IPO5: variants seen among roughly 807,000 people sequenced by gnomAD.
The protein encoded by IPO5 is importin-5.
Under a neutral mutation model 143.3 loss-of-function variants are expected in IPO5, and 18 were observed. The ratio of observed to expected loss-of-function variants is 0.13; its 90% CI spans 0.09 to 0.19. The LOEUF (loss-of-function observed/expected upper bound fraction) is 0.19, where lower values mean the gene tolerates loss of function less well. Ranked by LOEUF, IPO5 falls within the 10% of genes least tolerant of loss-of-function variation. The pLI is 1.00. For missense variants in IPO5, 1,013 were observed against 1,336.9 expected (o/e 0.76, Z 3.78); for synonymous variants, 477 against 465.7 (o/e 1.02, Z -0.31).
At chr13:97,962,915 G>T (rs1885008502) in intron 2 of IPO5, among the ~76,000 whole-genome samples, 1 of 152,172 alleles carries the variant, frequency 6.6e-6, no homozygotes, top group Admixed American at 6.6e-5. Context: ...AGGCTAGCAG[G>T]CTGGAAATTC....
At chr13:97,998,006 C>T (rs750977169) in intron 12 of IPO5, among the ~76,000 whole-genome samples, 1 of 152,158 alleles carries the variant, frequency 6.6e-6, no homozygotes, top group African/African-American at 2.4e-5. Context: ...GACGGAGTCT[C>T]GCTGTGTCGC....
intron 3 of IPO5, among the ~76,000 whole-genome samples, chr13:97,973,850 G>A (rs977116064): frequency 1.4e-3 from 206 of 152,192 alleles, no homozygotes; most frequent in African/African-American, 4.7e-3. Flanking sequence ...TGGGAGGATC[G>A]CCCGAACTCA....
chr13:97,991,307 CAA>C (rs1171292494), intron 9 of IPO5, among the ~76,000 whole-genome samples: 6 of 152,076 alleles, frequency 3.9e-5, no homozygotes, highest in Admixed American at 1.3e-4. Context: ...AATGGTCAGA[CAA>C]GACTACACTG....
chr13:97,990,608 C>T lies in IPO5; in HGVS notation c.669+71C>T, dbSNP rs974894793. On this transcript the variant is annotated intron_variant, in intron 9 of 28. Transcript: ENST00000651721. ...TCTTTAATGCATTCAATCATTTATGCAATAAATTCATATTGCCTATTATGT... is the reference window on the plus strand; with the variant it reads ...TCTTTAATGCATTCAATCATTTATGTAATAAATTCATATTGCCTATTATGT... 4.9e-6 allele frequency: 4 copies of T among 823,690 alleles called. No individual in the cohort carries two copies. In the African/African-American group the frequency reaches 7.0e-5, roughly 14 times the overall value. 51.0% of individuals were successfully genotyped at this position (823,690 alleles called of 1,614,324 possible).
chr13:97,982,841 A>AT (rs1259504232), intron 5 of IPO5, among the ~76,000 whole-genome samples: 18 of 152,204 alleles, frequency 1.2e-4, no homozygotes, highest in African/African-American at 4.3e-4. Flanking sequence ...TTTATAAGTA[A>AT]TTGCATAAGA....
chr13:98,010,983 T>A (rs1032170400), intron 20 of IPO5, among the ~76,000 whole-genome samples: 49 of 151,536 alleles, frequency 3.2e-4, no homozygotes, highest in Non-Finnish European at 5.6e-4. Flanking sequence ...GTTTCACCAT[T>A]TTGGCCAGGC....
At chr13:98,005,219 C>G (rs1219882615) in intron 16 of IPO5, among the ~76,000 whole-genome samples, 1 of 150,582 alleles carries the variant, frequency 6.6e-6, no homozygotes, top group Admixed American at 6.6e-5. Context: ...TTTCCCCAGA[C>G]AGAGTCTTGC....
intron 3 of IPO5, among the ~76,000 whole-genome samples, chr13:97,971,581 A>T (rs1885827629): frequency 6.6e-6 from 1 of 152,162 alleles, no homozygotes; most frequent in Admixed American, 6.5e-5. Context: ...ACTAATAGAA[A>T]ATACGCAAGT....
intron 2 of IPO5, among the ~76,000 whole-genome samples, chr13:97,957,693 C>T (rs1246929717): frequency 1.3e-5 from 2 of 152,102 alleles, no homozygotes; most frequent in East Asian, 3.8e-4. Flanking sequence ...TAAAAATAAA[C>T]AATTCTTTGA....
intron 16 of IPO5, among the ~76,000 whole-genome samples, chr13:98,005,044 C>T (rs1173021308): frequency 1.3e-5 from 2 of 151,978 alleles, no homozygotes; most frequent in East Asian, 3.9e-4. Context: ...TACAGACGTG[C>T]ACCCACCACA....
intron 27 of IPO5, 132 bp downstream of exon 27, chr13:98,019,941 G>A: frequency 1.7e-6 from 1 of 594,348 alleles, no homozygotes; most frequent in Admixed American, 3.0e-5. Flanking sequence ...GTTTATAATA[G>A]TGCTGTCTTT....
At chr13:97,956,374 TA>T (rs1052492569) in intron 2 of IPO5, among the ~76,000 whole-genome samples, 2 of 152,124 alleles carry the variant, frequency 1.3e-5, no homozygotes, top group Non-Finnish European at 2.9e-5. Context: ...ATCTGATATA[TA>T]AAAAAGTGCT....
chr13:97,974,920 T>C lies in IPO5; in HGVS notation c.-4-1773T>C, dbSNP rs150101381. On this transcript the variant is annotated intron_variant, in intron 3 of 28. Transcript: ENST00000651721. ...AATTAGAATCCTTTAGAAAAAAATC[T>C]TGGCTGGCCATCCCAATTGCACGTG... Among the ~76,000 whole-genome samples the C allele has an allele frequency of 1.9e-4, 29 of 152,302 alleles. No individual in the cohort carries two copies. The East Asian group carries it at 5.6e-3, about 29-fold the overall frequency.
intron 4 of IPO5, chr13:97,981,121 A>C: frequency 2.8e-6 from 1 of 355,042 alleles, no homozygotes; most frequent in South Asian, 2.2e-5. Flanking sequence ...CTCGGCTGTG[A>C]ATACTTTTTG....
In IPO5 at chr13:98,014,204, C is replaced by G; in HGVS notation, c.2315C>G (p.Ser772Cys). 6.2e-7 allele frequency: 1 copy of G among 1,605,886 alleles called. No homozygotes were observed. The highest frequency in any genetic ancestry group is 8.5e-7 in the Non-Finnish European group (1 of 1,174,440). The change falls in exon 22 of 29, where the codon TCT becomes TGT. Residue 772 changes from serine (S) to cysteine (C), a missense_variant. Physicochemically the swap from Ser to Cys is moderately radical, Grantham distance 112. This residue lies in a region of IPO5 where 685 missense variants were observed against 994.9 expected (regional missense o/e 0.69). Coordinates refer to ENST00000651721, the MANE Select transcript of IPO5 (RefSeq NM_002271.6). ...GACGTCCTCTCAGAAATAATGCATT[C>G]TTTTGCAAAGGTGAATATTTTTCTC... Reference protein sequence around the residue: ...DSDVLSEIMHSFAKCIEVMGD... With the variant: ...DSDVLSEIMHCFAKCIEVMGD...
At chr13:97,981,241 G>A (rs1300190815) in intron 4 of IPO5, 1 of 455,834 alleles carries the variant, frequency 2.2e-6, no homozygotes, top group Non-Finnish European at 4.4e-6. Context: ...TTCTTCCCCA[G>A]ACAGATATGT....
chr13:97,961,451 C>G (rs1884875122), intron 2 of IPO5, among the ~76,000 whole-genome samples: 1 of 152,174 alleles, frequency 6.6e-6, no homozygotes, highest in Non-Finnish European at 1.5e-5. Flanking sequence ...CATGCCTCAG[C>G]CTCTCGAGTA....
intron 3 of IPO5, among the ~76,000 whole-genome samples, chr13:97,973,320 G>A (rs1315927545): frequency 6.6e-6 from 1 of 152,108 alleles, no homozygotes; most frequent in Admixed American, 6.5e-5. Context: ...AGGATTACAG[G>A]CGTGAGCCAC....
intron 4 of IPO5, 76 bp from the exon 5 acceptor site, chr13:97,982,427 C>T: frequency 1.1e-6 from 1 of 935,726 alleles, no homozygotes; most frequent in South Asian, 1.4e-5. Flanking sequence ...ATCCTTCCCA[C>T]TGTTTATTTC....
Sources: allele counts gnomAD v4.1 joint callset (sites outside exome capture counted in the v4.1 genomes callset), GRCh38; gene constraint gnomAD v4.1.1; regional missense constraint gnomAD v4.1.1; transcripts MANE v1.5; gene names NCBI Gene and HGNC (gene_info 2026-07-23, HGNC 2026-07-21).